RIMKLA: variants seen among roughly 807,000 people sequenced by gnomAD.
RIMKLA encodes the protein ribosomal modification protein rimK like family member A.
RIMKLA carries 14 observed loss-of-function variants against 32.7 expected under a neutral mutation model. That is an observed-to-expected ratio of 0.43 (90% CI 0.28 to 0.67). The LOEUF (loss-of-function observed/expected upper bound fraction) is 0.67, where lower values mean the gene tolerates loss of function less well. Ranked by LOEUF, RIMKLA falls within the 30% of genes least tolerant of loss-of-function variation. The pLI is 0.18. For missense variants in RIMKLA, 410 were observed against 519.0 expected (o/e 0.79, Z 2.04); for synonymous variants, 176 against 204.1 (o/e 0.86, Z 1.18).
chr1:42,405,903 G>A (rs934866283), intron 3 of RIMKLA, among the ~76,000 whole-genome samples: 9 of 152,310 alleles, frequency 5.9e-5, no homozygotes, highest in South Asian at 2.1e-4. Flanking sequence ...GGTAGGCAAC[G>A]CAACCAGTGA....
Position 42,403,884 on chromosome 1 carries a change from T to C in RIMKLA, c.395-627T>C, listed in dbSNP as rs186388897. On this transcript the variant is annotated intron_variant, in intron 2 of 4. Transcript: ENST00000431473. ...CTGATTGTTGACGTTCAGTTTCTTG[T>C]AGTTGTGGGACTGAGTCCCCCACTT... Among the ~76,000 whole-genome samples the C allele has an allele frequency of 7.2e-5, 11 of 152,336 alleles. No homozygotes were observed. In the East Asian group the frequency reaches 1.9e-3, roughly 27 times the overall value.
chr1:42,388,809 C>T (rs1490068823), intron 1 of RIMKLA, among the ~76,000 whole-genome samples: 1 of 152,176 alleles, frequency 6.6e-6, no homozygotes, highest in African/African-American at 2.4e-5. Flanking sequence ...AGCTACTGTG[C>T]CTGGCCTCCA....
At chr1:42,398,106 T>C (rs1643063272) in intron 1 of RIMKLA, among the ~76,000 whole-genome samples, 1 of 152,208 alleles carries the variant, frequency 6.6e-6, no homozygotes, top group African/African-American at 2.4e-5. Context: ...CAACAAACAC[T>C]GAGTGCCTAC....
In RIMKLA at chr1:42,419,058, C is replaced by T. The variant is rs1346005996; in HGVS notation, c.*4084C>T. 6.6e-6 allele frequency: 1 copy of T among 152,224 alleles called. No homozygotes were observed. Among genetic ancestry groups the T allele is most frequent in the Admixed American group, 6.5e-5 (1 of 15,280 alleles). 9.4% of individuals were successfully genotyped at this position (152,224 alleles called of 1,614,324 possible). A position where few individuals can be genotyped will look rare whatever the true frequency, so the allele number is the denominator to read the frequency against. On this transcript the variant is annotated 3_prime_UTR_variant, in exon 5 of 5. Transcript: ENST00000431473. The stretch of plus-strand genomic sequence containing the variant: ...TCTGGGACTGTTTTTGACTGTACCT[C>T]TGAGACTCAAGATCAGGACAGATTG...
In RIMKLA at chr1:42,416,044, C is replaced by T. The variant is rs369850076; in HGVS notation, c.*1070C>T. Reference sequence around the variant, plus strand: ...ACCTGTCCTTACCCACTTTTCCAAACGGGGAAGACTCAGGTATCAGGAATT... The same window carrying T: ...ACCTGTCCTTACCCACTTTTCCAAATGGGGAAGACTCAGGTATCAGGAATT... On this transcript the variant is annotated 3_prime_UTR_variant, in exon 5 of 5. Transcript: ENST00000431473. The T allele has an allele frequency of 5.7e-5, 8 of 140,234 alleles. No homozygotes were observed. The highest frequency in any genetic ancestry group is 2.1e-4 in the East Asian group (1 of 4,858). The allele number at this position is 140,234 out of a possible 1,614,324, so 8.7% of individuals were successfully genotyped here. A position where few individuals can be genotyped will look rare whatever the true frequency, so the allele number is the denominator to read the frequency against.
At position 42,419,079 on chromosome 1, in the gene RIMKLA, G is replaced by T. The variant is rs1643274687; in HGVS notation, c.*4105G>T. The T allele has an allele frequency of 6.6e-6, 1 of 152,236 alleles. No individual in the cohort carries two copies. The highest frequency in any genetic ancestry group is 1.5e-5 in the Non-Finnish European group (1 of 68,050). The allele number at this position is 152,236 out of a possible 1,614,324, so 9.4% of individuals were successfully genotyped here. A position where few individuals can be genotyped will look rare whatever the true frequency, so the allele number is the denominator to read the frequency against. ...ACCTCTGAGACTCAAGATCAGGACA[G>T]ATTGTTACTTTAAAATGTTACCTGG... On this transcript the variant is annotated 3_prime_UTR_variant, in exon 5 of 5. Transcript: ENST00000431473.
intron 4 of RIMKLA, among the ~76,000 whole-genome samples, chr1:42,413,283 C>T (rs1467060366): frequency 6.6e-6 from 1 of 152,002 alleles, no homozygotes; most frequent in Non-Finnish European, 1.5e-5. Context: ...AGGTGGATCA[C>T]CTGAGGTCAG....
At chr1:42,381,435 A>G (rs1031232647) in intron 1 of RIMKLA, among the ~76,000 whole-genome samples, 1 of 152,208 alleles carries the variant, frequency 6.6e-6, no homozygotes, top group Admixed American at 6.5e-5. Flanking sequence ...GCTCGCATCA[A>G]TACCTTGACA....
intron 1 of RIMKLA, among the ~76,000 whole-genome samples, chr1:42,382,701 T>A (rs1557748611): frequency 6.6e-6 from 1 of 152,202 alleles, no homozygotes; most frequent in African/African-American, 2.4e-5. Flanking sequence ...GAAAATGCTC[T>A]GTATCTAAAA....
intron 1 of RIMKLA, among the ~76,000 whole-genome samples, chr1:42,392,335 C>G (rs1643006399): frequency 6.6e-6 from 1 of 152,122 alleles, no homozygotes; most frequent in Admixed American, 6.5e-5. Context: ...TCAACAAGAC[C>G]CAGGTGCTCT....
At chr1:42,393,364 G>T (rs1373620105) in intron 1 of RIMKLA, among the ~76,000 whole-genome samples, 2 of 152,190 alleles carry the variant, frequency 1.3e-5, no homozygotes, top group Admixed American at 1.3e-4. Context: ...ATCTTTCTCT[G>T]TGAGGAGACT....
At chr1:42,410,352 C>T (rs575209670) in intron 4 of RIMKLA, among the ~76,000 whole-genome samples, 165 bp downstream of exon 4, 35 of 152,184 alleles carry the variant, frequency 2.3e-4, no homozygotes, top group Admixed American at 2.0e-3. Flanking sequence ...TGGAGGGGAG[C>T]GTACAAGTGT....
In RIMKLA at chr1:42,385,868, T is replaced by C. The variant is rs1423716450; in HGVS notation, c.163+4771T>C. ...TCTCTTTCTTTCTTTCTTTCTTTCTTTCTTTCTTTCTTTCTTTCTTTCTTT... is the reference window on the plus strand; with the variant it reads ...TCTCTTTCTTTCTTTCTTTCTTTCTCTCTTTCTTTCTTTCTTTCTTTCTTT... On this transcript the variant is annotated intron_variant, in intron 1 of 4. Transcript: ENST00000431473. 5.9e-5 allele frequency among the ~76,000 whole-genome samples: 5 copies of C among 85,132 alleles called. 2 individuals are homozygous for C. The highest frequency in any genetic ancestry group is 1.3e-4 in the African/African-American group (3 of 23,294). 55.8% of individuals were successfully genotyped at this position (85,132 alleles called of 152,430 possible). A position where few individuals can be genotyped will look rare whatever the true frequency, so the allele number is the denominator to read the frequency against.
At chr1:42,412,610 C>T (rs1245941916) in intron 4 of RIMKLA, 1 of 510,086 alleles carries the variant, frequency 2.0e-6, no homozygotes, top group Non-Finnish European at 3.9e-6. Context: ...CTGTGAGGTT[C>T]ACAACAATTT....
At chr1:42,395,602 C>T (rs1171367929) in intron 1 of RIMKLA, among the ~76,000 whole-genome samples, 1 of 152,164 alleles carries the variant, frequency 6.6e-6, no homozygotes, top group East Asian at 1.9e-4. Context: ...CCTGTCCTTC[C>T]TGATATCCTG....
chr1:42,413,033 C>A (rs1382602916), intron 4 of RIMKLA, among the ~76,000 whole-genome samples: 4 of 152,092 alleles, frequency 2.6e-5, no homozygotes, highest in Admixed American at 2.0e-4. Flanking sequence ...ACTTGGGAGG[C>A]TGAGGCAGGA....
At position 42,381,013 on chromosome 1, in the gene RIMKLA, C is replaced by T. The variant is rs942735335; in HGVS notation, c.79C>T (p.Arg27Trp). The change falls in exon 1 of 5, where the codon CGG becomes TGG. Residue 27 changes from arginine (R) to tryptophan (W), a missense_variant. Coordinates refer to ENST00000431473, the MANE Select transcript of RIMKLA (RefSeq NM_173642.4). ...YPQVQILRAL[R>W]QRCSEQDVRF... ...GCAGGTGCAGATCCTGCGCGCCCTC[C>T]GGCAGCGCTGCTCCGAGCAGGACGT... 1.4e-6 allele frequency: 2 copies of T among 1,427,866 alleles called. No individual in the cohort carries two copies. The highest frequency in any genetic ancestry group is 1.8e-6 in the Non-Finnish European group (2 of 1,089,992). 88.4% of individuals were successfully genotyped at this position (1,427,866 alleles called of 1,614,324 possible). A position where few individuals can be genotyped will look rare whatever the true frequency, so the allele number is the denominator to read the frequency against.
In RIMKLA at chr1:42,423,920, C is replaced by G. The variant is rs185790761; in HGVS notation, c.*8946C>G. Among the ~76,000 whole-genome samples, 206 of 152,260 alleles carry G rather than the reference C, an allele frequency of 1.4e-3. 1 individual carries two copies. Among genetic ancestry groups the G allele is most frequent in the Admixed American group, 2.3e-3 (35 of 15,294 alleles). On this transcript the variant is annotated 3_prime_UTR_variant, in exon 5 of 5. Transcript: ENST00000431473. ...CAGCTCTTTAGAGCTCCTCAAGGGCCTAAGCATCTTTTGTTAGAAAATTCT... is the reference window on the plus strand; with the variant it reads ...CAGCTCTTTAGAGCTCCTCAAGGGCGTAAGCATCTTTTGTTAGAAAATTCT...
In RIMKLA at chr1:42,412,071, C is replaced by T. The variant is rs181699654; in HGVS notation, c.685+1884C>T. On this transcript the variant is annotated intron_variant, in intron 4 of 4. Coordinates refer to ENST00000431473, the MANE Select transcript of RIMKLA (RefSeq NM_173642.4). ...TACAAAATCCATTCATTAGTAACCA[C>T]GTGGCTTTATAATTTATCCATGTTG... Among the ~76,000 whole-genome samples, 17 of 152,194 alleles carry T rather than the reference C, an allele frequency of 1.1e-4. No individual in the cohort carries two copies. In the East Asian group the frequency reaches 1.9e-3, roughly 17 times the overall value.
Sources: allele counts gnomAD v4.1 joint callset (sites outside exome capture counted in the v4.1 genomes callset), GRCh38; gene constraint gnomAD v4.1.1; transcripts MANE v1.5; gene names NCBI Gene and HGNC (gene_info 2026-07-23, HGNC 2026-07-21).